The following AFF3 variants were observed in gnomAD, a reference collection of about 807,000 sequenced individuals.
AFF3 encodes the protein AF4/FMR2 family member 3.
Under a neutral mutation model 129.7 loss-of-function variants are expected in AFF3, and 32 were observed. That is an observed-to-expected ratio of 0.25 (90% CI 0.19 to 0.33). The LOEUF is 0.33. Ranked by LOEUF, AFF3 falls within the 10% of genes least tolerant of loss-of-function variation. The pLI, the probability that AFF3 is intolerant of heterozygous loss-of-function variation, is 1.00. For synonymous variants in AFF3, 644 were observed against 635.4 expected (o/e 1.01, Z -0.20); for missense variants, 1,373 against 1,592.0 (o/e 0.86, Z 2.34).
At chr2:99,828,644 C>T (rs1045023426) in intron 8 of AFF3, among the ~76,000 whole-genome samples, 1 of 152,214 alleles carries the variant, frequency 6.6e-6, no homozygotes, top group Non-Finnish European at 1.5e-5. Context: ...GGGAGAAACA[C>T]TGTAGTGCCC....
At chr2:99,966,689 C>CAAAAAA (rs61351679) in intron 7 of AFF3, among the ~76,000 whole-genome samples, 1,056 of 37,022 alleles carry the variant, frequency 0.029, 25 homozygotes, top group Middle Eastern at 0.083. Context: ...GACTCCGTCT[C>CAAAAAA]AAAAAAAAAA....
intron 8 of AFF3, among the ~76,000 whole-genome samples, chr2:99,786,108 C>T (rs1302946977): frequency 2.6e-5 from 4 of 152,142 alleles, no homozygotes; most frequent in Non-Finnish European, 4.4e-5. Flanking sequence ...TCGTTGAGTG[C>T]GGACTCTCAA....
At chr2:99,884,570 T>C (rs567532044) in intron 7 of AFF3, among the ~76,000 whole-genome samples, 1 of 120,448 alleles carries the variant, frequency 8.3e-6, no homozygotes, top group Admixed American at 9.3e-5. Context: ...GGCTAATTTT[T>C]GTATTTTTTT....
intron 18 of AFF3, among the ~76,000 whole-genome samples, chr2:99,577,724 T>A (rs1441866675): frequency 2.6e-5 from 4 of 152,252 alleles, no homozygotes; most frequent in Non-Finnish European, 5.9e-5. Flanking sequence ...TTTGTCATTT[T>A]CAGCCTCTCG....
At chr2:99,901,193 T>C (rs1052149529) in intron 7 of AFF3, among the ~76,000 whole-genome samples, 3 of 152,248 alleles carry the variant, frequency 2.0e-5, no homozygotes, top group Non-Finnish European at 4.4e-5. Flanking sequence ...TTCTCTTTTT[T>C]ACCCCTCAAT....
At chr2:99,619,402 C>T (rs1424459947) in intron 13 of AFF3, among the ~76,000 whole-genome samples, 1 of 152,174 alleles carries the variant, frequency 6.6e-6, no homozygotes, top group Non-Finnish European at 1.5e-5. Context: ...TGTCATAAAC[C>T]AAGCTGGGTT....
intron 4 of AFF3, among the ~76,000 whole-genome samples, chr2:100,060,248 T>C (rs1428638321): frequency 1.3e-5 from 2 of 152,244 alleles, no homozygotes; most frequent in Admixed American, 6.5e-5. Context: ...AACAGAGATG[T>C]AGCCTATGCC....
At chr2:100,065,233 CA>C (rs1687619503) in intron 4 of AFF3, among the ~76,000 whole-genome samples, 1 of 152,064 alleles carries the variant, frequency 6.6e-6, no homozygotes, top group Non-Finnish European at 1.5e-5. Context: ...ATATAAAAAG[CA>C]ATTAGTCAAA....
chr2:99,738,225 C>T (rs1341880255), intron 10 of AFF3, among the ~76,000 whole-genome samples: 36 of 151,930 alleles, frequency 2.4e-4, no homozygotes, highest in Admixed American at 2.4e-3. Context: ...TGCTCTATTT[C>T]TGTTATTATT....
In AFF3 at chr2:99,888,397, G is replaced by A. The variant is rs535440467; in HGVS notation, c.874-50873C>T. On this transcript the variant is annotated intron_variant, in intron 7 of 24. Coordinates refer to ENST00000672756, the MANE Select transcript of AFF3 (RefSeq NM_001386135.1). ...CTTTGTCATTTAAAAATAGCATTTC[G>A]TTTTCTGCACCACTAGAAACTACAT... 5.9e-5 allele frequency among the ~76,000 whole-genome samples: 9 copies of A among 152,254 alleles called. No individual in the cohort carries two copies. The East Asian group carries it at 7.7e-4, about 13-fold the overall frequency.
Position 100,018,032 on chromosome 2 carries a change from G to GTA in AFF3, c.54-9102_54-9101dup, listed in dbSNP as rs112153264. On this transcript the variant is annotated intron_variant, in intron 4 of 24. Transcript: ENST00000672756. ...TTGATATGTGTGTGTGTGTGTGTGT[G>GTA]TATATATATATATAGGCTAATTTTA... Among the ~76,000 whole-genome samples the GTA allele has an allele frequency of 9.9e-3, 1,489 of 150,000 alleles. 7 individuals are homozygous for GTA. Among genetic ancestry groups the GTA allele is most frequent in the African/African-American group, 0.014 (590 of 40,750 alleles).
chr2:99,807,390 C>A (rs538262031), intron 8 of AFF3, among the ~76,000 whole-genome samples: 44 of 152,290 alleles, frequency 2.9e-4, no homozygotes, highest in African/African-American at 1.1e-3. Flanking sequence ...TTCCTACCAA[C>A]GCACCCAGTT....
At chr2:99,968,424 T>A (rs934379033) in intron 7 of AFF3, among the ~76,000 whole-genome samples, 2 of 152,242 alleles carry the variant, frequency 1.3e-5, no homozygotes, top group African/African-American at 4.8e-5. Context: ...ATGCCTACTC[T>A]GTCTGTCACA....
rs1674380880 is a variant in AFF3, at chr2:99,551,212, CTTTGTCT to C, written c.*255_*261del. On this transcript the variant is annotated 3_prime_UTR_variant, in exon 25 of 25. Transcript: ENST00000672756. ...TCCTCTAGTCAGAAACCTCTGATCA[CTTTGTCT>C]AGCCTGGGATTATGGAAACTAGACA... The C allele has an allele frequency of 3.6e-6, 2 of 548,600 alleles. No individual in the cohort carries two copies. The highest frequency in any genetic ancestry group is 3.0e-5 in the Admixed American group (1 of 32,874). 34.0% of individuals were successfully genotyped at this position (548,600 alleles called of 1,614,324 possible).
rs971992794 is a variant in AFF3, at chr2:100,111,354, G to A, written c.-144-5771C>T. On this transcript the variant is annotated intron_variant, in intron 2 of 24. Transcript: ENST00000672756. ...TTAAGTGTGATTTACAAAAACCTGT[G>A]ATTACTTCCTTACATGTAATCTTGA... is the stretch of plus-strand genomic sequence containing the variant. Among the ~76,000 whole-genome samples, 37 of 152,360 alleles carry A rather than the reference G, an allele frequency of 2.4e-4. No individual in the cohort carries two copies. In the Middle Eastern group the frequency reaches 0.01, roughly 42 times the overall value.
intron 18 of AFF3, among the ~76,000 whole-genome samples, chr2:99,575,315 A>G (rs545477902): frequency 2.4e-4 from 37 of 152,002 alleles, no homozygotes; most frequent in Non-Finnish European, 4.3e-4. Flanking sequence ...ATTGGAGTGC[A>G]ATGGCATGAT....
chr2:100,016,510 T>C (rs758205262), intron 4 of AFF3, among the ~76,000 whole-genome samples: 9 of 149,380 alleles, frequency 6.0e-5, no homozygotes, highest in Non-Finnish European at 1.2e-4. Context: ...CTGGTGGTGA[T>C]AGTGGTGGTG....
At chr2:99,572,763 CAG>C in intron 18 of AFF3, 1 of 411,696 alleles carries the variant, frequency 2.4e-6, no homozygotes, top group Non-Finnish European at 4.9e-6. Context: ...TTTTAATACA[CAG>C]AGTCAGTGAA....
At chr2:99,795,593 A>T (rs1488545455) in intron 8 of AFF3, among the ~76,000 whole-genome samples, 1 of 152,160 alleles carries the variant, frequency 6.6e-6, no homozygotes, top group African/African-American at 2.4e-5. Context: ...GGATGATCAC[A>T]GGAAAACTAG....
Sources: allele counts gnomAD v4.1 joint callset (sites outside exome capture counted in the v4.1 genomes callset), GRCh38; gene constraint gnomAD v4.1.1; transcripts MANE v1.5; gene names NCBI Gene and HGNC (gene_info 2026-07-23, HGNC 2026-07-21).